ROBO1: variants seen among roughly 807,000 people sequenced by gnomAD.
The protein encoded by ROBO1 is roundabout homolog 1.
In ROBO1, 149 loss-of-function variants were observed where a neutral mutation model predicts 195.9. The ratio of observed to expected loss-of-function variants is 0.76; its 90% CI spans 0.67 to 0.87. ROBO1 has a LOEUF of 0.87. Among genes scored for constraint, ROBO1 ranks in the 40% least tolerant of loss-of-function variants. The probability of loss-of-function intolerance (pLI) is 0.00; values close to 1 mark genes in which losing one functional copy is unlikely to be tolerated. For synonymous variants in ROBO1, 816 were observed against 733.2 expected, an observed-to-expected ratio of 1.11 and a Z score of -1.82; for missense variants, 1,933 against 2,068.3, an observed-to-expected ratio of 0.93 and a Z score of 1.27.
intron 3 of ROBO1, among the ~76,000 whole-genome samples, chr3:78,972,057 C>T (rs942478445): frequency 6.6e-5 from 10 of 152,200 alleles, no homozygotes; most frequent in East Asian, 3.9e-4. Context: ...TGAGCCGCCG[C>T]GCCCGGCCTT....
chr3:78,687,490 A>T (rs1481767620), intron 9 of ROBO1, among the ~76,000 whole-genome samples: 1 of 152,206 alleles, frequency 6.6e-6, no homozygotes, highest in Non-Finnish European at 1.5e-5. Context: ...GTTTTTTATA[A>T]GAGCACATTA....
intron 2 of ROBO1, among the ~76,000 whole-genome samples, chr3:79,286,712 A>C (rs1008131654): frequency 6.6e-6 from 1 of 152,306 alleles, no homozygotes; most frequent in East Asian, 1.9e-4. Flanking sequence ...GGATGAAGTG[A>C]GATATCTCAA....
At chr3:79,491,665 C>T (rs976705178) in intron 2 of ROBO1, among the ~76,000 whole-genome samples, 2 of 152,104 alleles carry the variant, frequency 1.3e-5, no homozygotes, top group African/African-American at 4.8e-5. Context: ...TTATTCGGGC[C>T]ATCCTTAGAG....
intron 2 of ROBO1, among the ~76,000 whole-genome samples, chr3:79,573,075 G>A (rs1943334242): frequency 6.6e-6 from 1 of 151,962 alleles, no homozygotes; most frequent in Non-Finnish European, 1.5e-5. Context: ...TTTGAGACAG[G>A]GTCTTGTTCT....
chr3:78,742,585 T>A (rs2082558885), intron 5 of ROBO1, among the ~76,000 whole-genome samples: 3 of 152,216 alleles, frequency 2.0e-5, no homozygotes, highest in Non-Finnish European at 1.5e-5. Context: ...AATGTGCTTT[T>A]TACCTCCAGT....
chr3:78,639,675 G>A, intron 22 of ROBO1, 69 bp downstream of exon 22: 2 of 1,427,086 alleles, frequency 1.4e-6, no homozygotes, highest in Non-Finnish European at 1.9e-6. Context: ...TAGGGAGAGG[G>A]AAAGAAAAGA....
At chr3:79,747,361 A>G (rs1205243118) in intron 1 of ROBO1, among the ~76,000 whole-genome samples, 1 of 152,106 alleles carries the variant, frequency 6.6e-6, no homozygotes, top group African/African-American at 2.4e-5. Flanking sequence ...ATATATGTAC[A>G]TACAGATTTT....
chr3:79,200,290 C>T (rs1481935924), intron 2 of ROBO1, among the ~76,000 whole-genome samples: 2 of 151,612 alleles, frequency 1.3e-5, no homozygotes, highest in Non-Finnish European at 2.9e-5. Flanking sequence ...ATTTAAGGAC[C>T]ACCCTTGACA....
chr3:79,367,213 T>A (rs2036010709), intron 2 of ROBO1, among the ~76,000 whole-genome samples: 1 of 152,206 alleles, frequency 6.6e-6, no homozygotes, highest in Admixed American at 6.5e-5. Flanking sequence ...TGTTATTTTT[T>A]TTTTCTCTTG....
intron 10 of ROBO1, among the ~76,000 whole-genome samples, chr3:78,681,848 G>A (rs1241394590): frequency 6.6e-6 from 1 of 152,130 alleles, no homozygotes; most frequent in East Asian, 1.9e-4. Context: ...CTTACAGTGA[G>A]CTGAGATCGC....
At chr3:79,224,946 T>TGAG (rs1348830222) in intron 2 of ROBO1, among the ~76,000 whole-genome samples, 5 of 151,964 alleles carry the variant, frequency 3.3e-5, no homozygotes, top group East Asian at 1.9e-4. Flanking sequence ...AAGATGAAGC[T>TGAG]GAGGAGGAGG....
chr3:79,186,315 G>A (rs1230916271), intron 2 of ROBO1, among the ~76,000 whole-genome samples: 2 of 151,280 alleles, frequency 1.3e-5, no homozygotes, highest in African/African-American at 4.9e-5. Flanking sequence ...ACATGCACAA[G>A]TATATCTACA....
At chr3:78,780,097 G>T (rs2083629341) in intron 4 of ROBO1, among the ~76,000 whole-genome samples, 1 of 152,052 alleles carries the variant, frequency 6.6e-6, no homozygotes, top group Non-Finnish European at 1.5e-5. Context: ...ACACACCAGG[G>T]CCTGTTAGTG....
intron 2 of ROBO1, among the ~76,000 whole-genome samples, chr3:79,564,269 C>T (rs934608428): frequency 6.6e-6 from 1 of 152,200 alleles, no homozygotes; most frequent in African/African-American, 2.4e-5. Flanking sequence ...CAAATATCCA[C>T]TACCTAAGAG....
intron 4 of ROBO1, among the ~76,000 whole-genome samples, chr3:78,872,090 A>G (rs757067328): frequency 1.8e-4 from 27 of 152,182 alleles, no homozygotes; most frequent in Non-Finnish European, 3.1e-4. Context: ...ACTATTTTAT[A>G]AGATGTGAGC....
At chr3:79,682,087 G>C (rs938906385) in intron 1 of ROBO1, among the ~76,000 whole-genome samples, 4 of 151,830 alleles carry the variant, frequency 2.6e-5, no homozygotes, top group African/African-American at 9.7e-5. Context: ...TGAATATTTT[G>C]TTAGAGTTTC....
At chr3:79,520,912 T>G (rs1204952233) in intron 2 of ROBO1, among the ~76,000 whole-genome samples, 2 of 152,080 alleles carry the variant, frequency 1.3e-5, no homozygotes, top group African/African-American at 4.8e-5. Flanking sequence ...TAAAAGAAAT[T>G]TAAAGTATAG....
chr3:79,352,425 A>G (rs375667776), intron 2 of ROBO1, among the ~76,000 whole-genome samples: 2 of 152,312 alleles, frequency 1.3e-5, no homozygotes, highest in South Asian at 4.1e-4. Context: ...ACTATAATGC[A>G]TTATCAAAAC....
intron 3 of ROBO1, among the ~76,000 whole-genome samples, chr3:79,066,705 T>C (rs1383544045): frequency 6.6e-6 from 1 of 152,048 alleles, no homozygotes; most frequent in Non-Finnish European, 1.5e-5. Context: ...TTTACCATAA[T>C]AATGAGCTCT....
Sources: allele counts gnomAD v4.1 joint callset (sites outside exome capture counted in the v4.1 genomes callset), GRCh38; gene constraint gnomAD v4.1.1; transcripts MANE v1.5; gene names NCBI Gene and HGNC (gene_info 2026-07-23, HGNC 2026-07-21).